PRKN: variants seen among roughly 807,000 people sequenced by gnomAD.
The protein encoded by PRKN is E3 ubiquitin-protein ligase parkin.
A neutral mutation model predicts 59.5 loss-of-function variants in PRKN; 56 were observed. The ratio of observed to expected loss-of-function variants is 0.94; its 90% CI spans 0.76 to 1.18. The LOEUF (loss-of-function observed/expected upper bound fraction) is 1.18, where lower values mean the gene tolerates loss of function less well. Ranked by LOEUF, PRKN falls within the 50% of genes most tolerant of loss-of-function variation. The pLI, the probability that PRKN is intolerant of heterozygous loss-of-function variation, is 0.00. For missense variants in PRKN, 657 were observed against 596.4 expected (o/e 1.10, Z -1.06); for synonymous variants, 250 against 222.1 (o/e 1.13, Z -1.12).
chr6:162,020,954 T>C lies in PRKN; in HGVS notation c.618+33137A>G, dbSNP rs530237031. On this transcript the variant is annotated intron_variant, in intron 5 of 11. Coordinates refer to ENST00000366898, the MANE Select transcript of PRKN (RefSeq NM_004562.3). ...CTCATCTCTACAAAAAATACAAAAA[T>C]TAGCCGGGCATGGTGGTGCGCACCT... Among the ~76,000 whole-genome samples the C allele has an allele frequency of 1.1e-4, 17 of 151,090 alleles. No homozygotes were observed. The East Asian group carries it at 3.1e-3, about 28-fold the overall frequency.
intron 4 of PRKN, among the ~76,000 whole-genome samples, chr6:162,172,517 A>C (rs1023804778): frequency 3.3e-5 from 5 of 152,186 alleles, no homozygotes; most frequent in African/African-American, 1.2e-4. Flanking sequence ...CATGGCTGTT[A>C]AATGCCCTTC....
intron 2 of PRKN, among the ~76,000 whole-genome samples, chr6:162,282,230 A>C (rs1482677667): frequency 6.6e-6 from 1 of 152,156 alleles, no homozygotes; most frequent in Non-Finnish European, 1.5e-5. Context: ...TTTACTATGG[A>C]GGCAACATAG....
chr6:161,823,602 T>C (rs958625758), intron 6 of PRKN, among the ~76,000 whole-genome samples: 3 of 152,136 alleles, frequency 2.0e-5, no homozygotes, highest in Non-Finnish European at 4.4e-5. Flanking sequence ...AGGATGGTAT[T>C]ACAGATTTGC....
intron 1 of PRKN, among the ~76,000 whole-genome samples, chr6:162,648,629 G>A (rs1583979254): frequency 1.3e-5 from 2 of 152,138 alleles, no homozygotes; most frequent in East Asian, 1.9e-4. Context: ...TGATCCACCC[G>A]CCTCAGCCTC....
intron 6 of PRKN, among the ~76,000 whole-genome samples, chr6:161,786,881 AT>A (rs894531410): frequency 8.2e-5 from 12 of 146,262 alleles, no homozygotes; most frequent in East Asian, 4.1e-4. Context: ...ATAAATCCTA[AT>A]TTTTTTTATC....
chr6:161,972,101 C>A lies in PRKN; in HGVS notation c.734+1201G>T, dbSNP rs199926576. Among the ~76,000 whole-genome samples, 32 of 152,044 alleles carry A rather than the reference C, an allele frequency of 2.1e-4. 1 individual carries two copies. In the East Asian group the frequency reaches 5.8e-3, roughly 28 times the overall value. On this transcript the variant is annotated intron_variant, in intron 6 of 11. Coordinates refer to ENST00000366898, the MANE Select transcript of PRKN (RefSeq NM_004562.3). ...CCAGCCTGACCAATATGAAGAAACCCCCGTCTCTACTAAAAATACAAAATA... is the reference window on the plus strand; with the variant it reads ...CCAGCCTGACCAATATGAAGAAACCACCGTCTCTACTAAAAATACAAAATA...
intron 8 of PRKN, among the ~76,000 whole-genome samples, chr6:161,558,865 C>G (rs554925411): frequency 6.6e-6 from 1 of 151,676 alleles, no homozygotes; most frequent in East Asian, 1.9e-4. Flanking sequence ...TAAGTGGTGG[C>G]CCCCATGACC....
At chr6:161,508,144 G>T (rs1260443964) in intron 9 of PRKN, among the ~76,000 whole-genome samples, 3 of 152,184 alleles carry the variant, frequency 2.0e-5, no homozygotes, top group Non-Finnish European at 2.9e-5. Context: ...GACTACAAAA[G>T]AAATGATTGC....
At chr6:161,925,247 C>T (rs2128239693) in intron 6 of PRKN, among the ~76,000 whole-genome samples, 1 of 152,148 alleles carries the variant, frequency 6.6e-6, no homozygotes, top group East Asian at 1.9e-4. Context: ...GATAGAATTG[C>T]ATCTTTGACT....
chr6:162,634,456 T>C (rs1293489879), intron 1 of PRKN, among the ~76,000 whole-genome samples: 2 of 152,074 alleles, frequency 1.3e-5, no homozygotes, highest in East Asian at 3.9e-4. Flanking sequence ...GTTTCTACCA[T>C]AGCTGTGATC....
rs1789953662 is a variant in PRKN, at chr6:161,456,025, T to A, written c.1084-69148A>T. The stretch of plus-strand genomic sequence containing the variant: ...TCAAAATCACTATGAAAAAATGTTT[T>A]CCTAAGGAGAACGTTGGCCTCTAGG... On this transcript the variant is annotated intron_variant, in intron 9 of 11. Transcript: ENST00000366898. This position sits in a 1 kb window ranked among gnomAD's most constrained non-coding sequence, Gnocchi z 4.8. 6.6e-6 allele frequency among the ~76,000 whole-genome samples: 1 copy of A among 152,202 alleles called. No individual in the cohort carries two copies. Among genetic ancestry groups the A allele is most frequent in the African/African-American group, 2.4e-5 (1 of 41,438 alleles).
intron 1 of PRKN, among the ~76,000 whole-genome samples, chr6:162,726,506 T>C (rs2128242076): frequency 6.6e-6 from 1 of 152,328 alleles, no homozygotes; most frequent in East Asian, 1.9e-4. Context: ...GGAAGAAAAG[T>C]TGGACAACAT....
chr6:161,476,391 C>T (rs573604827), intron 9 of PRKN, among the ~76,000 whole-genome samples: 32 of 152,156 alleles, frequency 2.1e-4, no homozygotes, highest in Non-Finnish European at 4.7e-4. Context: ...AGTAACTTCC[C>T]CCCGAAGCTT....
intron 7 of PRKN, among the ~76,000 whole-genome samples, chr6:161,638,386 C>T (rs868695660): frequency 1.1e-4 from 16 of 152,156 alleles, no homozygotes; most frequent in East Asian, 3.9e-4. Flanking sequence ...CTTCCTGCCT[C>T]GGCGTCCCAA....
intron 3 of PRKN, among the ~76,000 whole-genome samples, chr6:162,216,672 G>A (rs1360499488): frequency 6.6e-6 from 1 of 151,904 alleles, no homozygotes. Context: ...CGGTGTCTGG[G>A]AAGCTCCATC....
chr6:161,882,935 G>C (rs892677664), intron 6 of PRKN, among the ~76,000 whole-genome samples: 14 of 151,734 alleles, frequency 9.2e-5, no homozygotes, highest in African/African-American at 3.4e-4. Context: ...AATCCGGGAG[G>C]TGGAGGTTGC....
intron 1 of PRKN, among the ~76,000 whole-genome samples, chr6:162,526,719 A>C (rs950980512): frequency 6.6e-6 from 1 of 152,176 alleles, no homozygotes. Flanking sequence ...AGCTAGATGG[A>C]AGAAAAAGAA....
At chr6:162,235,941 G>GAAA in intron 3 of PRKN, among the ~76,000 whole-genome samples, 3 of 79,844 alleles carry the variant, frequency 3.8e-5, no homozygotes, top group Non-Finnish European at 4.3e-5. Flanking sequence ...AAGGAAGGAA[G>GAAA]GAAGGAAGGA....
At chr6:162,387,234 C>CAAAAAAAAAAAAAAA (rs34452454) in intron 2 of PRKN, among the ~76,000 whole-genome samples, 1 of 101,214 alleles carries the variant, frequency 9.9e-6, no homozygotes, top group Non-Finnish European at 2.1e-5. Flanking sequence ...AAAAAATAAG[C>CAAAAAAAAAAAAAAA]AAAAAAAAAA....
Sources: gnomAD v4.1 joint callset for allele counts (sites outside exome capture counted in the v4.1 genomes callset) on GRCh38, gnomAD v4.1.1 for gene constraint, Gnocchi (gnomAD v3.1) non-coding constraint, MANE v1.5 for transcripts, NCBI Gene and HGNC (gene_info 2026-07-23, HGNC 2026-07-21) for gene names.